The following SMIM38 variants were observed in gnomAD, a reference collection of about 807,000 sequenced individuals.
SMIM38 encodes the protein small integral membrane protein 38.
At position 69,160,380 on chromosome 11, in the gene SMIM38, G is replaced by T. The variant is rs1279004017; in HGVS notation, c.*2284G>T. 1 of 152,174 alleles carries T rather than the reference G, an allele frequency of 6.6e-6. No homozygotes were observed. Among genetic ancestry groups the T allele is most frequent in the Non-Finnish European group, 1.5e-5 (1 of 68,068 alleles). The allele number at this position is 152,174 out of a possible 1,614,324, so 9.4% of individuals were successfully genotyped here. A position where few individuals can be genotyped will look rare whatever the true frequency, so the allele number is the denominator to read the frequency against. ...TTTTGTATTTTTTAGTAGAGATGGT[G>T]TTTCACTATATTGGCCAGGCTGGTC... is the stretch of plus-strand genomic sequence containing the variant. On this transcript the variant is annotated 3_prime_UTR_variant, in exon 3 of 3. Coordinates refer to ENST00000686237, the MANE Select transcript of SMIM38 (RefSeq NM_001369201.2).
In SMIM38 at chr11:69,156,737, C is replaced by T. The variant is rs1856992033; in HGVS notation, c.-673-437C>T. On this transcript the variant is annotated intron_variant, in intron 1 of 2. Transcript: ENST00000686237. ...TCTGTGCCCAGGCGCTGGGCGTGGCCCCTGAGAAGTGCTCTCTCCCCTAAT... is the reference window on the plus strand; with the variant it reads ...TCTGTGCCCAGGCGCTGGGCGTGGCTCCTGAGAAGTGCTCTCTCCCCTAAT... Among the ~76,000 whole-genome samples, 4 of 152,276 alleles carry T rather than the reference C, an allele frequency of 2.6e-5. No homozygotes were observed. The South Asian group carries it at 8.3e-4, about 32-fold the overall frequency.
chr11:69,155,707 G>C (rs1590779181), upstream of SMIM38: 1 of 152,380 alleles, frequency 6.6e-6, no homozygotes, highest in East Asian at 1.9e-4. Context: ...ATGCCCATTG[G>C]CAGCAGCCTC....
rs1290774318 is a variant in SMIM38, at chr11:69,161,261, T to C, written c.*3165T>C. ...CAGGAGGCTGAGAGATAGTGGCGTT[T>C]GTTAGCTGGTCTCCTAGCCATCCTG... is the stretch of plus-strand genomic sequence containing the variant. On this transcript the variant is annotated 3_prime_UTR_variant, in exon 3 of 3. Coordinates refer to ENST00000686237, the MANE Select transcript of SMIM38 (RefSeq NM_001369201.2). 6 of 152,252 alleles carry C rather than the reference T, an allele frequency of 3.9e-5. No individual in the cohort carries two copies. The highest frequency in any genetic ancestry group is 8.8e-5 in the Non-Finnish European group (6 of 68,044). 9.4% of individuals were successfully genotyped at this position (152,252 alleles called of 1,614,324 possible).
At position 69,157,697 on chromosome 11, in the gene SMIM38, G is replaced by C. The variant is rs376827441; in HGVS notation, c.-150G>C. On this transcript the variant is annotated 5_prime_UTR_variant, in exon 2 of 3. Transcript: ENST00000686237. Reference sequence around the variant, plus strand: ...GAGAACAGGGCGGTCCCTTGGGGGCGCCGGCTGCAGAGGCCCCAGGCTGGA... The same window carrying C: ...GAGAACAGGGCGGTCCCTTGGGGGCCCCGGCTGCAGAGGCCCCAGGCTGGA... The C allele has an allele frequency of 2.0e-5, 8 of 396,038 alleles. No individual in the cohort carries two copies. Among genetic ancestry groups the C allele is most frequent in the Non-Finnish European group, 3.1e-5 (7 of 225,052 alleles). 24.5% of individuals were successfully genotyped at this position (396,038 alleles called of 1,614,324 possible). A position where few individuals can be genotyped will look rare whatever the true frequency, so the allele number is the denominator to read the frequency against.
Position 69,160,501 on chromosome 11 carries a change from A to G in SMIM38, c.*2405A>G, listed in dbSNP as rs558772166. On this transcript the variant is annotated 3_prime_UTR_variant, in exon 3 of 3. Coordinates refer to ENST00000686237, the MANE Select transcript of SMIM38 (RefSeq NM_001369201.2). The stretch of plus-strand genomic sequence containing the variant: ...CCATGCCCGGCCTCAGAATCCTGGG[A>G]CTTCTGCTGGAGCCAGGGGTCAGAA... The G allele has an allele frequency of 6.6e-6, 1 of 152,232 alleles. No individual in the cohort carries two copies. The highest frequency in any genetic ancestry group is 2.1e-4 in the South Asian group (1 of 4,816). The allele number at this position is 152,232 out of a possible 1,614,324, so 9.4% of individuals were successfully genotyped here.
In SMIM38 at chr11:69,157,610, A is replaced by T. The variant is rs1398377603; in HGVS notation, c.-237A>T. On this transcript the variant is annotated 5_prime_UTR_variant, in exon 2 of 3. The change abolishes an upstream ATG in the 5' untranslated region. Coordinates refer to ENST00000686237, the MANE Select transcript of SMIM38 (RefSeq NM_001369201.2). Reference sequence around the variant, plus strand: ...CGTCGTCCCCAGTCTGTCCTCTCACATGCCAGGGAGGCCCCGGGCTGGAGT... The same window carrying T: ...CGTCGTCCCCAGTCTGTCCTCTCACTTGCCAGGGAGGCCCCGGGCTGGAGT... The T allele has an allele frequency of 2.6e-6, 1 of 385,320 alleles. No homozygotes were observed. The highest frequency in any genetic ancestry group is 4.6e-6 in the Non-Finnish European group (1 of 218,258). The allele number at this position is 385,320 out of a possible 1,614,324, so 23.9% of individuals were successfully genotyped here.
At position 69,159,177 on chromosome 11, in the gene SMIM38, G is replaced by A. The variant is rs1049806085; in HGVS notation, c.*1175G>A. On this transcript the variant is annotated 3_prime_UTR_variant, in exon 2 of 3. Coordinates refer to ENST00000686237, the MANE Select transcript of SMIM38 (RefSeq NM_001369201.2). Reference sequence around the variant, plus strand: ...CCTCTGAACACGAAGCTCGCAGAGGGGGTGATTCCTGTGAATTCTGAAAGG... The same window carrying A: ...CCTCTGAACACGAAGCTCGCAGAGGAGGTGATTCCTGTGAATTCTGAAAGG... The A allele has an allele frequency of 2.0e-5, 3 of 152,224 alleles. No individual in the cohort carries two copies. The highest frequency in any genetic ancestry group is 1.3e-4 in the Admixed American group (2 of 15,286). The allele number at this position is 152,224 out of a possible 1,614,324, so 9.4% of individuals were successfully genotyped here.
rs1856981791 is a variant in SMIM38, at chr11:69,156,031, A to G, written c.-757A>G. 1 of 152,346 alleles carries G rather than the reference A, an allele frequency of 6.6e-6. No individual in the cohort carries two copies. The allele number at this position is 152,346 out of a possible 1,614,324, so 9.4% of individuals were successfully genotyped here. On this transcript the variant is annotated 5_prime_UTR_variant, in exon 1 of 3. The change abolishes an upstream ATG in the 5' untranslated region. Coordinates refer to ENST00000686237, the MANE Select transcript of SMIM38 (RefSeq NM_001369201.2). ...ACCACAGATGGAGGAAGGGCCAGGCATGCTTCCCAGACAGCCTCTGCCAGT... is the reference window on the plus strand; with the variant it reads ...ACCACAGATGGAGGAAGGGCCAGGCGTGCTTCCCAGACAGCCTCTGCCAGT...
rs756649241 is a variant in SMIM38, at chr11:69,157,909, C to G, written c.63C>G (p.Ile21Met). 1.3e-5 allele frequency: 5 copies of G among 399,144 alleles called. No individual in the cohort carries two copies. Among genetic ancestry groups the G allele is most frequent in the Non-Finnish European group, 2.2e-5 (5 of 226,594 alleles). The allele number at this position is 399,144 out of a possible 1,614,324, so 24.7% of individuals were successfully genotyped here. Residue 21 changes from isoleucine (I) to methionine (M), a missense_variant, in exon 2 of 3, where the codon ATC (isoleucine) becomes ATG (methionine). Ile to Met is a conservative substitution (Grantham distance 10). Coordinates refer to ENST00000686237, the MANE Select transcript of SMIM38 (RefSeq NM_001369201.2). Reference protein sequence around the residue: ...PDPLLALLVVILLARLILWSC... With the variant: ...PDPLLALLVVMLLARLILWSC... ...CGCTCCTGGCCCTGCTGGTGGTGAT[C>G]CTGCTAGCACGCCTCATCCTGTGGT...
At chr11:69,157,039 TC>T (rs945147307) in intron 1 of SMIM38, 134 bp from the exon 2 acceptor site, 2 of 152,434 alleles carry the variant, frequency 1.3e-5, no homozygotes, top group African/African-American at 4.8e-5. Context: ...GAAGCCGGTT[TC>T]CCGCGCTGAC....
Position 69,160,416 on chromosome 11 carries a change from G to A in SMIM38, c.*2320G>A, listed in dbSNP as rs1590781548. The A allele has an allele frequency of 1.3e-5, 2 of 152,194 alleles. No individual in the cohort carries two copies. The highest frequency in any genetic ancestry group is 4.8e-5 in the African/African-American group (2 of 41,422). The allele number at this position is 152,194 out of a possible 1,614,324, so 9.4% of individuals were successfully genotyped here. ...TTGGCCAGGCTGGTCTTGAACTCCTGACCTCAAGTGATCTGCCTGCCTTGG... is the reference window on the plus strand; with the variant it reads ...TTGGCCAGGCTGGTCTTGAACTCCTAACCTCAAGTGATCTGCCTGCCTTGG... On this transcript the variant is annotated 3_prime_UTR_variant, in exon 3 of 3. Transcript: ENST00000686237.
In SMIM38 at chr11:69,156,549, C is replaced by T. The variant is rs76086973; in HGVS notation, c.-674+435C>T. ...TCAATGTGTCCTTATTGGGTGTGCA[C>T]ACGTGTGAGTCTGTGTGCACACACA... On this transcript the variant is annotated intron_variant, in intron 1 of 2. Transcript: ENST00000686237. Among the ~76,000 whole-genome samples, 9 of 151,902 alleles carry T rather than the reference C, an allele frequency of 5.9e-5. No homozygotes were observed. In the East Asian group the frequency reaches 1.8e-3, roughly 30 times the overall value.
rs1857022664 is a variant in SMIM38, at chr11:69,158,837, C to T, written c.*835C>T. On this transcript the variant is annotated 3_prime_UTR_variant, in exon 2 of 3. Transcript: ENST00000686237. The stretch of plus-strand genomic sequence containing the variant: ...CTCCGTAGCACGTTAGCCGTGATGC[C>T]AGTGACTTAACCCACAGCTTGGGGA... The T allele has an allele frequency of 6.6e-6, 1 of 152,282 alleles. No individual in the cohort carries two copies. The highest frequency in any genetic ancestry group is 2.4e-5 in the African/African-American group (1 of 41,460). The allele number at this position is 152,282 out of a possible 1,614,324, so 9.4% of individuals were successfully genotyped here.
intron 1 of SMIM38, among the ~76,000 whole-genome samples, chr11:69,156,958 T>C (rs554825142): frequency 2.0e-5 from 3 of 152,312 alleles, no homozygotes; most frequent in South Asian, 4.1e-4. Context: ...CTAAGGCTTC[T>C]TGATGGAGGT....
chr11:69,156,838 A>C (rs1167882014), intron 1 of SMIM38, among the ~76,000 whole-genome samples: 1 of 152,180 alleles, frequency 6.6e-6, no homozygotes, highest in Non-Finnish European at 1.5e-5. Context: ...AACTTGCCCG[A>C]GGTCACTCAG....
Position 69,158,108 on chromosome 11 carries a change from C to T in SMIM38, c.*106C>T, listed in dbSNP as rs1374640833. On this transcript the variant is annotated 3_prime_UTR_variant, in exon 2 of 3. Coordinates refer to ENST00000686237, the MANE Select transcript of SMIM38 (RefSeq NM_001369201.2). ...AGGGCAGGCGCATGATCCCCATGTC[C>T]CACCCCTGGGGCAGGAGCTCAGAGA... 4 of 397,396 alleles carry T rather than the reference C, an allele frequency of 1.0e-5. No homozygotes were observed. The highest frequency in any genetic ancestry group is 2.1e-5 in the African/African-American group (1 of 48,616). The allele number at this position is 397,396 out of a possible 1,614,324, so 24.6% of individuals were successfully genotyped here.
rs1423835432 is a variant in SMIM38, at chr11:69,157,888, C to T, written c.42C>T (p.Leu14=). 2.0e-5 allele frequency: 8 copies of T among 399,228 alleles called. No homozygotes were observed. The East Asian group carries it at 2.5e-4, about 12-fold the overall frequency. 24.7% of individuals were successfully genotyped at this position (399,228 alleles called of 1,614,324 possible). The stretch of plus-strand genomic sequence containing the variant: ...GTGGCAGCTTTGGCCCTGACCCGCT[C>T]CTGGCCCTGCTGGTGGTGATCCTGC... The part of the protein sequence containing the change: ...WPGGSFGPDP[L]LALLVVILLA... Residue 14 remains leucine, a synonymous_variant, in exon 2 of 3, where the codon CTC becomes CTT. Transcript: ENST00000686237.
In SMIM38 at chr11:69,157,695, G is replaced by T. The variant is rs1205086396; in HGVS notation, c.-152G>T. 2.5e-6 allele frequency: 1 copy of T among 396,612 alleles called. No homozygotes were observed. The highest frequency in any genetic ancestry group is 4.4e-5 in the Admixed American group (1 of 22,692). The allele number at this position is 396,612 out of a possible 1,614,324, so 24.6% of individuals were successfully genotyped here. A position where few individuals can be genotyped will look rare whatever the true frequency, so the allele number is the denominator to read the frequency against. ...GAGAGAACAGGGCGGTCCCTTGGGG[G>T]CGCCGGCTGCAGAGGCCCCAGGCTG... On this transcript the variant is annotated 5_prime_UTR_variant, in exon 2 of 3. Coordinates refer to ENST00000686237, the MANE Select transcript of SMIM38 (RefSeq NM_001369201.2).
rs1045433379 is a variant in SMIM38 at position 69,160,104 on chromosome 11, C to T, written c.*2008C>T. The T allele has an allele frequency of 1.3e-5, 2 of 151,896 alleles. No homozygotes were observed. The highest frequency in any genetic ancestry group is 4.8e-5 in the African/African-American group (2 of 41,328). 9.4% of individuals were successfully genotyped at this position (151,896 alleles called of 1,614,324 possible). On this transcript the variant is annotated 3_prime_UTR_variant, in exon 3 of 3. Transcript: ENST00000686237. Reference sequence around the variant, plus strand: ...AACCTGTGTGTGGCCTGCGTGTCCACATGGGTGTGTAGGATGGCACCTACA... The same window carrying T: ...AACCTGTGTGTGGCCTGCGTGTCCATATGGGTGTGTAGGATGGCACCTACA...
Sources: gnomAD v4.1 joint callset for allele counts (sites outside exome capture counted in the v4.1 genomes callset) on GRCh38, gnomAD v4.1.1 for gene constraint, MANE v1.5 for transcripts, NCBI Gene and HGNC (gene_info 2026-07-23, HGNC 2026-07-21) for gene names.